Variants in TMEM132B observed in about 807,000 individuals in gnomAD.
TMEM132B encodes the protein transmembrane protein 132B.
TMEM132B carries 18 observed loss-of-function variants against 90.8 expected under a neutral mutation model. The ratio of observed to expected loss-of-function variants is 0.20; its 90% CI spans 0.14 to 0.29. TMEM132B has a LOEUF of 0.29. Among genes scored for constraint, TMEM132B ranks in the 10% least tolerant of loss-of-function variants. TMEM132B has a pLI of 1.00. For synonymous variants in TMEM132B, 504 were observed against 523.3 expected (o/e 0.96, Z 0.50); for missense variants, 1,096 against 1,326.8 (o/e 0.83, Z 2.70).
chr12:125,221,256 G>A (rs1375432387), intron 1 of TMEM132B, among the ~76,000 whole-genome samples: 2 of 152,184 alleles, frequency 1.3e-5, no homozygotes, highest in African/African-American at 4.8e-5. Context: ...AATGCTGCCT[G>A]GCAGATAGTA....
At chr12:125,262,841 C>G (rs1179496760) in intron 1 of TMEM132B, among the ~76,000 whole-genome samples, 1 of 152,176 alleles carries the variant, frequency 6.6e-6, no homozygotes, top group Non-Finnish European at 1.5e-5. Flanking sequence ...TCCCTGCAGG[C>G]ATTTGACTTT....
At chr12:125,414,376 C>G (rs954789695) in intron 2 of TMEM132B, among the ~76,000 whole-genome samples, 1 of 151,984 alleles carries the variant, frequency 6.6e-6, no homozygotes, top group Non-Finnish European at 1.5e-5. Flanking sequence ...TGGAGGTAAT[C>G]TTTGCTTCCC....
rs555049194 is a variant in TMEM132B at position 125,274,512 on chromosome 12, C to T, written c.68-74940C>T. 5.3e-5 allele frequency among the ~76,000 whole-genome samples: 8 copies of T among 152,320 alleles called. No individual in the cohort carries two copies. The East Asian group carries it at 5.8e-4, about 11-fold the overall frequency. The stretch of plus-strand genomic sequence containing the variant: ...CCGCTCTGGCGACACAGAGGTGTTC[C>T]GATCATGGTGCATTGTTGTTAATGC... On this transcript the variant is annotated intron_variant, in intron 1 of 8. Coordinates refer to ENST00000682704, the MANE Select transcript of TMEM132B (RefSeq NM_001366854.1).
chr12:125,245,917 G>A (rs1442359339), intron 1 of TMEM132B, among the ~76,000 whole-genome samples: 1 of 152,204 alleles, frequency 6.6e-6, no homozygotes, highest in African/African-American at 2.4e-5. Context: ...CGAGCTGCCA[G>A]GTCAGGCCTC....
chr12:125,224,263 C>A (rs1435677237), intron 1 of TMEM132B, among the ~76,000 whole-genome samples: 2 of 151,818 alleles, frequency 1.3e-5, no homozygotes, highest in Non-Finnish European at 2.9e-5. Context: ...CTGCCATTAA[C>A]ATCCCTGTAT....
Position 125,350,058 on chromosome 12 carries a change from C to A in TMEM132B, c.674C>A (p.Thr225Lys), listed in dbSNP as rs201217999. ...GGCACCACGATGGAGCTCTTCTTCACGCTCTACCCAGCTGACAAGGCTGGC... is the reference window on the plus strand; with the variant it reads ...GGCACCACGATGGAGCTCTTCTTCAAGCTCTACCCAGCTGACAAGGCTGGC... ...LGGTTMELFF[T>K]LYPADKAGQC... The change falls in exon 2 of 9, where the codon ACG (threonine) becomes AAG (lysine). Residue 225 changes from threonine (T) to lysine (K), a missense_variant. Thr to Lys is a moderately conservative substitution (Grantham distance 78). Coordinates refer to ENST00000682704, the MANE Select transcript of TMEM132B (RefSeq NM_001366854.1). 4.3e-6 allele frequency: 7 copies of A among 1,614,202 alleles called. No individual in the cohort carries two copies. The East Asian group carries it at 1.6e-4, about 36-fold the overall frequency.
chr12:125,307,356 A>G (rs1168856859), intron 1 of TMEM132B, among the ~76,000 whole-genome samples: 1 of 152,220 alleles, frequency 6.6e-6, no homozygotes, highest in Non-Finnish European at 1.5e-5. Context: ...ATGGATTTAA[A>G]TACGACTAAT....
chr12:125,395,194 G>A (rs895762728), intron 2 of TMEM132B, among the ~76,000 whole-genome samples: 4 of 151,920 alleles, frequency 2.6e-5, no homozygotes, highest in African/African-American at 7.3e-5. Flanking sequence ...AGGGTGAACC[G>A]TTGAGTGTGT....
intron 3 of TMEM132B, among the ~76,000 whole-genome samples, chr12:125,480,753 A>G (rs1196617333): frequency 6.6e-6 from 1 of 152,232 alleles, no homozygotes; most frequent in Non-Finnish European, 1.5e-5. Flanking sequence ...TCCCTAACTC[A>G]TTTTATGAGG....
At chr12:125,502,459 G>T (rs1762469375) in intron 3 of TMEM132B, among the ~76,000 whole-genome samples, 2 of 152,204 alleles carry the variant, frequency 1.3e-5, no homozygotes, top group African/African-American at 4.8e-5. Flanking sequence ...GGCTGTGGCA[G>T]AGGGAAACAG....
At chr12:125,452,487 C>G in intron 3 of TMEM132B, among the ~76,000 whole-genome samples, 1 of 152,136 alleles carries the variant, frequency 6.6e-6, no homozygotes, top group East Asian at 1.9e-4. Flanking sequence ...AAGTACTTTT[C>G]TAGCTATCAG....
intron 8 of TMEM132B, 77 bp from the exon 9 acceptor site, chr12:125,653,488 T>C (rs1327049484): frequency 7.0e-7 from 1 of 1,435,186 alleles, no homozygotes; most frequent in Non-Finnish European, 9.4e-7. Context: ...AAACAATTTA[T>C]ATAGGAAATT....
intron 5 of TMEM132B, among the ~76,000 whole-genome samples, chr12:125,639,372 T>C (rs1315390132): frequency 6.6e-6 from 1 of 152,244 alleles, no homozygotes; most frequent in Non-Finnish European, 1.5e-5. Flanking sequence ...TTTGCCTTCT[T>C]ACAGATACAC....
chr12:125,606,584 G>A lies in TMEM132B; in HGVS notation c.1437+22590G>A, dbSNP rs1392085041. Among the ~76,000 whole-genome samples the A allele has an allele frequency of 5.9e-5, 9 of 152,354 alleles. No individual in the cohort carries two copies. In the East Asian group the frequency reaches 1.5e-3, roughly 26 times the overall value. On this transcript the variant is annotated intron_variant, in intron 5 of 8. Transcript: ENST00000682704. ...ATATGTGAGCATGCACACGTTGTGTGCTAGTGTGTGCATCTGTGCACATAC... is the reference window on the plus strand; with the variant it reads ...ATATGTGAGCATGCACACGTTGTGTACTAGTGTGTGCATCTGTGCACATAC...
chr12:125,335,025 C>T (rs1045356742), intron 1 of TMEM132B, among the ~76,000 whole-genome samples: 1 of 152,186 alleles, frequency 6.6e-6, no homozygotes, highest in Non-Finnish European at 1.5e-5. Context: ...ACTTGGGATG[C>T]TTGAGTAAAC....
intron 1 of TMEM132B, among the ~76,000 whole-genome samples, chr12:125,261,034 ATAGG>A (rs1343640595): frequency 1.3e-5 from 2 of 152,042 alleles, no homozygotes; most frequent in Non-Finnish European, 2.9e-5. Flanking sequence ...TGCCTCACTG[ATAGG>A]TAGGCTGTGT....
intron 2 of TMEM132B, among the ~76,000 whole-genome samples, chr12:125,389,099 G>C (rs570898892): frequency 2.0e-5 from 3 of 151,896 alleles, no homozygotes; most frequent in African/African-American, 7.2e-5. Context: ...ATTGGGTGTT[G>C]AGGATACAGC....
chr12:125,600,166 G>A (rs1215529259), intron 5 of TMEM132B, among the ~76,000 whole-genome samples: 7 of 152,004 alleles, frequency 4.6e-5, no homozygotes, highest in African/African-American at 1.7e-4. Flanking sequence ...TTGGAGGGAG[G>A]AAAGAGCCCT....
intron 4 of TMEM132B, among the ~76,000 whole-genome samples, chr12:125,526,038 G>A (rs568008014): frequency 6.6e-6 from 1 of 152,188 alleles, no homozygotes; most frequent in African/African-American, 2.4e-5. Flanking sequence ...AGGAGTGGGA[G>A]GTGTCACTGT....
Sources: gnomAD v4.1 joint callset for allele counts (sites outside exome capture counted in the v4.1 genomes callset) on GRCh38, gnomAD v4.1.1 for gene constraint, MANE v1.5 for transcripts, NCBI Gene and HGNC (gene_info 2026-07-23, HGNC 2026-07-21) for gene names.